The following ESRRB variants were observed in gnomAD, a reference collection of about 807,000 sequenced individuals.
ESRRB encodes the protein steroid hormone receptor ERR2.
Under a neutral mutation model 46.0 loss-of-function variants are expected in ESRRB, and 16 were observed. That is an observed-to-expected ratio of 0.35 (90% CI 0.24 to 0.53). ESRRB has a LOEUF of 0.53. Among genes scored for constraint, ESRRB ranks in the 20% least tolerant of loss-of-function variants. ESRRB has a pLI of 0.93. For synonymous variants in ESRRB, 246 were observed against 259.6 expected, an observed-to-expected ratio of 0.95 and a Z score of 0.50; for missense variants, 488 against 607.4, an observed-to-expected ratio of 0.80 and a Z score of 2.07.
Position 76,439,706 on chromosome 14 carries a change from C to T in ESRRB, c.416C>T (p.Ala139Val). The change falls in exon 2 of 7, where the codon GCC becomes GTC. Residue 139 changes from alanine (A) to valine (V), a missense_variant. Ala to Val is a moderately conservative substitution (Grantham distance 64, BLOSUM62 0). Transcript: ENST00000644823. ...GCCTCTGGCTACCACTACGGCGTGGCCTCCTGCGAGGCTTGCAAGGCCTTC... is the reference window on the plus strand; with the variant it reads ...GCCTCTGGCTACCACTACGGCGTGGTCTCCTGCGAGGCTTGCAAGGCCTTC... Reference protein sequence around the residue: ...DIASGYHYGVASCEACKAFFK... With the variant: ...DIASGYHYGVVSCEACKAFFK... 6.2e-7 allele frequency: 1 copy of T among 1,614,148 alleles called. No individual in the cohort carries two copies. Among genetic ancestry groups the T allele is most frequent in the Non-Finnish European group, 8.5e-7 (1 of 1,179,970 alleles).
chr14:76,403,069 G>A (rs563967062), intron 1 of ESRRB, among the ~76,000 whole-genome samples: 2 of 152,276 alleles, frequency 1.3e-5, no homozygotes, highest in South Asian at 4.1e-4. Flanking sequence ...GGAATTACAG[G>A]TGTAAGCCAC....
chr14:76,382,560 C>G (rs1885058926), intron 1 of ESRRB, among the ~76,000 whole-genome samples: 2 of 152,182 alleles, frequency 1.3e-5, no homozygotes, highest in South Asian at 4.1e-4. Flanking sequence ...CCTTCTCTCC[C>G]TGGAAATAGC....
chr14:76,467,923 C>A (rs945783871), intron 3 of ESRRB, among the ~76,000 whole-genome samples: 2 of 152,192 alleles, frequency 1.3e-5, no homozygotes, highest in African/African-American at 2.4e-5. Flanking sequence ...ATTTCTCCCC[C>A]ACTCAGCCCC....
chr14:76,351,057 G>A (rs1279420948), intron 1 of ESRRB, among the ~76,000 whole-genome samples: 1 of 152,202 alleles, frequency 6.6e-6, no homozygotes, highest in East Asian at 1.9e-4. Context: ...GGGGGTAGAT[G>A]TCATTGAGGC....
chr14:76,369,032 A>G (rs1305805394), upstream of ESRRB, among the ~76,000 whole-genome samples: 1 of 151,946 alleles, frequency 6.6e-6, no homozygotes, highest in Non-Finnish European at 1.5e-5. Context: ...TCCCGTCTCT[A>G]CTAAAAATAC....
At chr14:76,414,162 TCC>T (rs1232554211) in intron 1 of ESRRB, among the ~76,000 whole-genome samples, 2 of 560 alleles carry the variant, frequency 3.6e-3, no homozygotes, top group Admixed American at 0.019. Flanking sequence ...CCCTGCACCG[TCC>T]CCCCCGCCCC....
chr14:76,335,560 G>T (rs1181061555), intron 1 of ESRRB, among the ~76,000 whole-genome samples: 1 of 152,220 alleles, frequency 6.6e-6, no homozygotes, highest in Non-Finnish European at 1.5e-5. Flanking sequence ...CTTTCACAGA[G>T]TGTACAGTTA....
chr14:76,420,673 C>T (rs145583124), intron 1 of ESRRB, among the ~76,000 whole-genome samples: 77 of 148,502 alleles, frequency 5.2e-4, no homozygotes, highest in African/African-American at 1.8e-3. Context: ...GTAATTTTGG[C>T]ACTTTGGCCA....
intron 1 of ESRRB, among the ~76,000 whole-genome samples, chr14:76,377,258 G>A: frequency 6.6e-6 from 1 of 152,230 alleles, no homozygotes. Flanking sequence ...GGGGCAGCGC[G>A]CCAAGAGCGC....
chr14:76,430,410 A>G (rs1887390225), intron 1 of ESRRB, among the ~76,000 whole-genome samples: 5 of 152,208 alleles, frequency 3.3e-5, no homozygotes, highest in Non-Finnish European at 1.5e-5. Context: ...TTGCCCAGCC[A>G]GCTTCTTTCC....
At chr14:76,408,591 CAAAAAAAAAAAAAAAAAA>C (rs35955826) in intron 1 of ESRRB, among the ~76,000 whole-genome samples, 1 of 42,118 alleles carries the variant, frequency 2.4e-5, no homozygotes, top group South Asian at 8.4e-4. Flanking sequence ...GACCCTGTCT[CAAAAAAAAAAAAAAAAAA>C]AAAAAAAAAG....
At chr14:76,493,279 C>G (rs1049978098) in intron 6 of ESRRB, among the ~76,000 whole-genome samples, 1 of 152,116 alleles carries the variant, frequency 6.6e-6, no homozygotes, top group Non-Finnish European at 1.5e-5. Context: ...CTCAGCCTTC[C>G]GAGTAGCTGG....
chr14:76,325,964 C>T (rs1883925069), intron 1 of ESRRB, among the ~76,000 whole-genome samples: 1 of 152,208 alleles, frequency 6.6e-6, no homozygotes, highest in Non-Finnish European at 1.5e-5. Context: ...CAGCCCTATG[C>T]CACATCACAT....
intron 1 of ESRRB, among the ~76,000 whole-genome samples, chr14:76,350,485 G>T (rs112784714): frequency 0.026 from 4,023 of 152,294 alleles, 166 homozygotes; most frequent in African/African-American, 0.092. Context: ...GAGACTCAAA[G>T]TGACTGTTGC....
intron 1 of ESRRB, among the ~76,000 whole-genome samples, chr14:76,410,744 T>C (rs1386068843): frequency 2.0e-5 from 3 of 152,126 alleles, no homozygotes; most frequent in East Asian, 3.9e-4. Flanking sequence ...CAGCAAATAT[T>C]TGAGTTTTTA....
intron 1 of ESRRB, among the ~76,000 whole-genome samples, chr14:76,421,340 A>G (rs1490093953): frequency 6.6e-6 from 1 of 152,188 alleles, no homozygotes; most frequent in Non-Finnish European, 1.5e-5. Flanking sequence ...CCCACCTGAC[A>G]ATGTCTGGTG....
At chr14:76,469,926 G>GTTTTTTTTTTTTTTTTTTTTTT (rs1356927268) in intron 3 of ESRRB, among the ~76,000 whole-genome samples, 3 of 67,648 alleles carry the variant, frequency 4.4e-5, no homozygotes, top group African/African-American at 5.1e-5. Context: ...TGTGTTTTTT[G>GTTTTTTTTTTTTTTTTTTTTTT]TTGTTTTTTT....
chr14:76,461,000 C>T (rs1165995385), intron 2 of ESRRB, among the ~76,000 whole-genome samples: 7 of 152,100 alleles, frequency 4.6e-5, no homozygotes, highest in East Asian at 3.9e-4. Flanking sequence ...CCACTGCGCC[C>T]GGCCACTCCA....
chr14:76,329,878 G>A (rs989470502), intron 1 of ESRRB, among the ~76,000 whole-genome samples: 4 of 150,084 alleles, frequency 2.7e-5, no homozygotes, highest in African/African-American at 9.7e-5. Context: ...TGTGCGGGGG[G>A]GATAATTGTC....
Sources: gnomAD v4.1 joint callset for allele counts (sites outside exome capture counted in the v4.1 genomes callset) on GRCh38, gnomAD v4.1.1 for gene constraint, MANE v1.5 for transcripts, NCBI Gene and HGNC (gene_info 2026-07-23, HGNC 2026-07-21) for gene names.